The following CHN2 variants were observed in gnomAD, a reference collection of about 807,000 sequenced individuals.
CHN2 encodes the protein beta-chimaerin.
In CHN2, 35 loss-of-function variants were observed where a neutral mutation model predicts 56.3. The observed-to-expected ratio is 0.62, with a 90% confidence interval of 0.47 to 0.82. The LOEUF is 0.82. Ranked by LOEUF, CHN2 falls within the 40% of genes least tolerant of loss-of-function variation. The pLI, the probability that CHN2 is intolerant of heterozygous loss-of-function variation, is 0.00. For synonymous variants in CHN2, 210 were observed against 212.8 expected, an observed-to-expected ratio of 0.99 and a Z score of 0.12; for missense variants, 491 against 580.5, an observed-to-expected ratio of 0.85 and a Z score of 1.58.
At chr7:29,464,484 T>A (rs1785407645) in intron 6 of CHN2, among the ~76,000 whole-genome samples, 1 of 152,218 alleles carries the variant, frequency 6.6e-6, no homozygotes, top group Non-Finnish European at 1.5e-5. Context: ...CAAACCACCA[T>A]GGCACACGTT....
At position 29,507,106 on chromosome 7, in the gene CHN2, A is replaced by C. The variant is rs556306295; in HGVS notation, c.992-122A>C. 10 of 880,454 alleles carry C rather than the reference A, an allele frequency of 1.1e-5. No individual in the cohort carries two copies. The Admixed American group carries it at 1.2e-4, about 10-fold the overall frequency. 54.5% of individuals were successfully genotyped at this position (880,454 alleles called of 1,614,324 possible). On this transcript the variant is annotated intron_variant, in intron 10 of 12. Transcript: ENST00000222792. ...TACACTTCAGTGTTACTAGAAGCCA[A>C]AAGAGTTAGCTGAGACTTGTCAGGG...
intron 2 of CHN2, among the ~76,000 whole-genome samples, chr7:29,152,121 C>T (rs1430354740): frequency 6.6e-6 from 1 of 152,188 alleles, no homozygotes; most frequent in Non-Finnish European, 1.5e-5. Flanking sequence ...TCTATAGCCT[C>T]TGAAGGGTTT....
intron 7 of CHN2, among the ~76,000 whole-genome samples, chr7:29,482,790 C>CTTT (rs1562644821): frequency 2.0e-5 from 2 of 97,948 alleles, no homozygotes; most frequent in African/African-American, 3.8e-5. Context: ...GCTGTCTGCA[C>CTTT]TTTTTTCTTT....
chr7:29,383,194 A>G (rs150154778), intron 3 of CHN2, among the ~76,000 whole-genome samples: 30 of 152,282 alleles, frequency 2.0e-4, no homozygotes, highest in African/African-American at 7.0e-4. Context: ...TGTATTCATC[A>G]GAGTTCTTCA....
At chr7:29,199,025 T>C (rs945348689) in intron 1 of CHN2, among the ~76,000 whole-genome samples, 9 of 152,214 alleles carry the variant, frequency 5.9e-5, no homozygotes, top group African/African-American at 1.9e-4. Context: ...TTAGGTGCAG[T>C]CTTCAAAACC....
At chr7:29,276,763 C>A (rs550435207) in intron 1 of CHN2, among the ~76,000 whole-genome samples, 1 of 152,272 alleles carries the variant, frequency 6.6e-6, no homozygotes, top group African/African-American at 2.4e-5. Flanking sequence ...TGTGGCTTGA[C>A]CCCCAGCTAT....
rs1207759279 is a variant in CHN2, at chr7:29,274,000, C to G, written c.49+79010C>G. Among the ~76,000 whole-genome samples, 8 of 152,292 alleles carry G rather than the reference C, an allele frequency of 5.3e-5. No homozygotes were observed. The South Asian group carries it at 1.2e-3, about 24-fold the overall frequency. On this transcript the variant is annotated intron_variant, in intron 1 of 12. Coordinates refer to ENST00000222792, the MANE Select transcript of CHN2 (RefSeq NM_004067.4). ...AACTGCTTCCCTAGGTGCACACTCC[C>G]CAAAACTTGCCTCTCTCTGTGTTTA...
At chr7:29,212,578 C>A (rs938166323) in intron 1 of CHN2, 7 of 1,431,326 alleles carry the variant, frequency 4.9e-6, no homozygotes, top group Non-Finnish European at 6.9e-6. Flanking sequence ...AGGTCCCAGT[C>A]AAGAAACAGA....
chr7:29,512,663 C>T lies in CHN2; in HGVS notation c.1335C>T (p.Thr445=), dbSNP rs757885237. 1.9e-6 allele frequency: 3 copies of T among 1,614,028 alleles called. No individual in the cohort carries two copies. In the African/African-American group the frequency reaches 4.0e-5, roughly 22 times the overall value. The part of the protein sequence containing the change: ...LMRPPEDSTL[T]TLHDMRYQKL... ...GGCCCCCTGAGGACAGCACCCTGAC[C>T]ACCCTGCATGATATGCGGTACCAAA... is the stretch of plus-strand genomic sequence containing the variant. Residue 445 remains threonine, a synonymous_variant, in exon 13 of 13, where the codon ACC becomes ACT. Coordinates refer to ENST00000222792, the MANE Select transcript of CHN2 (RefSeq NM_004067.4).
intron 1 of CHN2, among the ~76,000 whole-genome samples, chr7:29,276,272 AGAGGCTGTAACCCAGGAG>A (rs1791210365): frequency 6.6e-6 from 1 of 152,200 alleles, no homozygotes; most frequent in Non-Finnish European, 1.5e-5. Flanking sequence ...AAAGAGGTGT[AGAGGCTGTAACCCAGGAG>A]AAGAGCCCTG....
At chr7:29,256,712 TG>T (rs1789108142) in intron 1 of CHN2, among the ~76,000 whole-genome samples, 1 of 152,164 alleles carries the variant, frequency 6.6e-6, no homozygotes, top group Non-Finnish European at 1.5e-5. Flanking sequence ...GTGATCTCGA[TG>T]ATCTTCTGAA....
chr7:29,244,787 A>G (rs39088), intron 1 of CHN2, among the ~76,000 whole-genome samples: 143,212 of 152,280 alleles, frequency 0.94, 67,470 homozygotes, highest in East Asian at 1. Context: ...AAATTCCCTT[A>G]CTTTGGTTTC....
intron 2 of CHN2, among the ~76,000 whole-genome samples, chr7:29,153,033 G>A (rs954318723): frequency 6.6e-6 from 1 of 152,154 alleles, no homozygotes; most frequent in African/African-American, 2.4e-5. Flanking sequence ...TCCAGGAGAA[G>A]GACAGGTGTA....
intron 2 of CHN2, among the ~76,000 whole-genome samples, chr7:29,364,045 G>A (rs576790649): frequency 3.9e-5 from 6 of 152,158 alleles, no homozygotes; most frequent in Non-Finnish European, 7.4e-5. Flanking sequence ...AGGGGCTTTG[G>A]AATCAAAAGG....
At chr7:29,367,300 G>GTTA (rs1443150244) in intron 2 of CHN2, among the ~76,000 whole-genome samples, 1 of 152,114 alleles carries the variant, frequency 6.6e-6, no homozygotes, top group Non-Finnish European at 1.5e-5. Context: ...TTAGGAAGGA[G>GTTA]TTATTATTAT....
intron 6 of CHN2, among the ~76,000 whole-genome samples, chr7:29,423,917 C>A (rs115622822): frequency 2.7e-3 from 404 of 152,264 alleles, no homozygotes; most frequent in Non-Finnish European, 5.0e-3. Context: ...TCTTACCTGG[C>A]GGCTACCTCT....
At chr7:29,240,831 GTCGTCT>G (rs1554374071) in intron 1 of CHN2, among the ~76,000 whole-genome samples, 1 of 151,108 alleles carries the variant, frequency 6.6e-6, no homozygotes, top group African/African-American at 2.4e-5. Flanking sequence ...CGTCGTCGTC[GTCGTCT>G]TCGTCTTCAT....
At chr7:29,281,579 T>C (rs1344423638) in intron 1 of CHN2, among the ~76,000 whole-genome samples, 1 of 152,190 alleles carries the variant, frequency 6.6e-6, no homozygotes, top group African/African-American at 2.4e-5. Flanking sequence ...TCCCCTCCTA[T>C]TGGCAAGGTC....
At chr7:29,394,828 A>G (rs1034716) in intron 4 of CHN2, among the ~76,000 whole-genome samples, 66,609 of 152,080 alleles carry the variant, frequency 0.44, 15,554 homozygotes, top group African/African-American at 0.61. Flanking sequence ...TTTATTATGC[A>G]TTTTCTTTTT....
Sources: allele counts gnomAD v4.1 joint callset (sites outside exome capture counted in the v4.1 genomes callset), GRCh38; gene constraint gnomAD v4.1.1; transcripts MANE v1.5; gene names NCBI Gene and HGNC (gene_info 2026-07-23, HGNC 2026-07-21).